The following FAM110B variants were observed in gnomAD, a reference collection of about 807,000 sequenced individuals.
The protein encoded by FAM110B is protein FAM110B.
A neutral mutation model predicts 20.4 loss-of-function variants in FAM110B; 6 were observed. That is an observed-to-expected ratio of 0.29 (90% CI 0.16 to 0.58). The LOEUF (loss-of-function observed/expected upper bound fraction) is 0.58. Ranked by LOEUF, FAM110B falls within the 20% of genes least tolerant of loss-of-function variation. The pLI, the probability that FAM110B is intolerant of heterozygous loss-of-function variation, is 0.90. For synonymous variants in FAM110B, 226 were observed against 214.1 expected (o/e 1.06, Z -0.49); for missense variants, 434 against 498.2 (o/e 0.87, Z 1.23).
At chr8:58,109,751 A>C (rs2150618193) in intron 3 of FAM110B, among the ~76,000 whole-genome samples, 1 of 152,322 alleles carries the variant, frequency 6.6e-6, no homozygotes, top group Admixed American at 6.5e-5. Flanking sequence ...GACATCGGAA[A>C]CACGAAAGGC....
At chr8:58,079,821 A>T (rs1806145384) in intron 3 of FAM110B, among the ~76,000 whole-genome samples, 1 of 152,198 alleles carries the variant, frequency 6.6e-6, no homozygotes, top group Non-Finnish European at 1.5e-5. Context: ...AAAATTTTTT[A>T]AATCAAATGT....
intron 3 of FAM110B, among the ~76,000 whole-genome samples, chr8:58,136,076 A>G (rs1457872264): frequency 7.7e-6 from 1 of 129,544 alleles, no homozygotes; most frequent in Non-Finnish European, 1.5e-5. Flanking sequence ...CAGTGATGTG[A>G]TCTCGGCTCA....
intron 3 of FAM110B, among the ~76,000 whole-genome samples, chr8:58,108,023 A>T (rs1806963553): frequency 6.6e-6 from 1 of 152,214 alleles, no homozygotes; most frequent in Non-Finnish European, 1.5e-5. Flanking sequence ...ATTGTGTAGC[A>T]GAGAAGCTAG....
intron 2 of FAM110B, among the ~76,000 whole-genome samples, chr8:58,063,282 T>G (rs1805692784): frequency 6.6e-6 from 1 of 152,192 alleles, no homozygotes; most frequent in Non-Finnish European, 1.5e-5. Flanking sequence ...ACAATTTATA[T>G]TCAGTGTTAG....
intron 2 of FAM110B, among the ~76,000 whole-genome samples, chr8:58,064,838 A>G (rs1273103253): frequency 6.6e-6 from 1 of 152,242 alleles, no homozygotes; most frequent in Admixed American, 6.5e-5. Flanking sequence ...ATAAAACGTA[A>G]TAAATGGCAT....
chr8:58,129,967 T>A (rs1803411923), intron 3 of FAM110B, among the ~76,000 whole-genome samples: 1 of 152,236 alleles, frequency 6.6e-6, no homozygotes, highest in Non-Finnish European at 1.5e-5. Context: ...TTTAAAATTC[T>A]GCCTTCATGT....
At chr8:58,067,221 T>A (rs1340998017) in intron 2 of FAM110B, among the ~76,000 whole-genome samples, 2 of 152,198 alleles carry the variant, frequency 1.3e-5, no homozygotes, top group Non-Finnish European at 2.9e-5. Context: ...AGAACAGAAC[T>A]TGAGGAAATC....
At chr8:58,052,008 A>G (rs573011344) in intron 2 of FAM110B, among the ~76,000 whole-genome samples, 4 of 152,308 alleles carry the variant, frequency 2.6e-5, no homozygotes, top group African/African-American at 9.6e-5. Flanking sequence ...ACCTAATCAC[A>G]TACTCTAATT....
intron 1 of FAM110B, among the ~76,000 whole-genome samples, chr8:58,002,016 TAGAG>T (rs149988068): frequency 2.7e-5 from 4 of 149,672 alleles, no homozygotes; most frequent in Admixed American, 6.7e-5. Context: ...GCTAAGCAGC[TAGAG>T]AGAGAGAGAG....
At chr8:58,027,075 C>T (rs952321805) in intron 1 of FAM110B, among the ~76,000 whole-genome samples, 2 of 152,182 alleles carry the variant, frequency 1.3e-5, no homozygotes, top group African/African-American at 4.8e-5. Context: ...CCTTAGGCTA[C>T]ATCTTCCCTC....
chr8:58,106,453 C>T (rs1806920871), intron 3 of FAM110B, among the ~76,000 whole-genome samples: 1 of 151,982 alleles, frequency 6.6e-6, no homozygotes, highest in Non-Finnish European at 1.5e-5. Flanking sequence ...GGAAACACAG[C>T]AGGGCAATGA....
chr8:58,063,972 G>C (rs1240573912), intron 2 of FAM110B, among the ~76,000 whole-genome samples: 1 of 152,158 alleles, frequency 6.6e-6, no homozygotes, highest in African/African-American at 2.4e-5. Flanking sequence ...GGATGGTTGG[G>C]GAAACCTCAG....
At chr8:58,040,484 C>T (rs982429577) in intron 2 of FAM110B, among the ~76,000 whole-genome samples, 3 of 152,124 alleles carry the variant, frequency 2.0e-5, no homozygotes, top group African/African-American at 7.2e-5. Context: ...AGACCAGGCA[C>T]TCCAGGGCCG....
chr8:58,006,921 A>ATTTTTTTT (rs142497701), intron 1 of FAM110B, among the ~76,000 whole-genome samples: 5 of 119,652 alleles, frequency 4.2e-5, no homozygotes, highest in Non-Finnish European at 8.6e-5. Flanking sequence ...ATATATATAT[A>ATTTTTTTT]TATTTTTCCA....
chr8:58,143,951 C>T (rs989828809), intron 3 of FAM110B, among the ~76,000 whole-genome samples: 1 of 152,176 alleles, frequency 6.6e-6, no homozygotes, highest in Non-Finnish European at 1.5e-5. Flanking sequence ...ACCAATATTC[C>T]AACACGCCAT....
chr8:58,103,713 A>G (rs900495296), intron 3 of FAM110B, among the ~76,000 whole-genome samples: 2 of 152,190 alleles, frequency 1.3e-5, no homozygotes, highest in African/African-American at 4.8e-5. Flanking sequence ...ATGAATAAGG[A>G]TTCAAGTGAA....
At chr8:58,132,369 G>A (rs537877057) in intron 3 of FAM110B, among the ~76,000 whole-genome samples, 197 of 151,986 alleles carry the variant, frequency 1.3e-3, no homozygotes, top group Non-Finnish European at 2.1e-3. Context: ...CGTACAGGCT[G>A]GGGGTGGTGA....
chr8:58,136,057 G>A (rs1187087866), intron 3 of FAM110B, among the ~76,000 whole-genome samples: 1 of 136,370 alleles, frequency 7.3e-6, no homozygotes, highest in Non-Finnish European at 1.5e-5. Flanking sequence ...GTGTCTCCAG[G>A]CTGAAGTTCA....
chr8:58,044,645 T>C lies in FAM110B; in HGVS notation c.-414+12942T>C, dbSNP rs373451266. Among the ~76,000 whole-genome samples the C allele has an allele frequency of 1.3e-5, 2 of 152,172 alleles. 1 individual carries two copies. The highest frequency in any genetic ancestry group is 3.8e-4 in the East Asian group (2 of 5,196). ...GTTACACTTAACAAAATCATCAGCT[T>C]TGTAACTTTGCAAATTAGACACTGA... On this transcript the variant is annotated intron_variant, in intron 2 of 3. Coordinates refer to ENST00000519262, the MANE Select transcript of FAM110B (RefSeq NM_001377989.1).
Sources: gnomAD v4.1 joint callset for allele counts (sites outside exome capture counted in the v4.1 genomes callset) on GRCh38, gnomAD v4.1.1 for gene constraint, MANE v1.5 for transcripts, NCBI Gene and HGNC (gene_info 2026-07-23, HGNC 2026-07-21) for gene names.